The following CA10 variants were observed in gnomAD, a reference collection of about 807,000 sequenced individuals.
CA10 encodes carbonic anhydrase-related protein 10.
Under a neutral mutation model 44.2 loss-of-function variants are expected in CA10, and 14 were observed. That is an observed-to-expected ratio of 0.32 (90% CI 0.21 to 0.50). The LOEUF (loss-of-function observed/expected upper bound fraction) is 0.50. Among genes scored for constraint, CA10 ranks in the 20% least tolerant of loss-of-function variants. The pLI is 0.99. For synonymous variants in CA10, 159 were observed against 141.6 expected (o/e 1.12, Z -0.87); for missense variants, 350 against 409.7 (o/e 0.85, Z 1.26).
intron 2 of CA10, among the ~76,000 whole-genome samples, chr17:52,059,852 G>T (rs1987334031): frequency 6.6e-6 from 1 of 152,042 alleles, no homozygotes; most frequent in South Asian, 2.1e-4. Flanking sequence ...AAACACAAAG[G>T]TTTACATACA....
chr17:51,720,778 G>A (rs1916326576), intron 4 of CA10, among the ~76,000 whole-genome samples: 1 of 152,056 alleles, frequency 6.6e-6, no homozygotes, highest in South Asian at 2.1e-4. Context: ...GAAGGAGAAA[G>A]GGTAGAAAAT....
At chr17:51,810,533 T>C (rs533734018) in intron 3 of CA10, among the ~76,000 whole-genome samples, 18 of 152,078 alleles carry the variant, frequency 1.2e-4, no homozygotes, top group South Asian at 6.2e-4. Context: ...CAGACAATGG[T>C]GGTGAAACGT....
At chr17:51,726,722 A>G (rs1047111230) in intron 4 of CA10, among the ~76,000 whole-genome samples, 2 of 152,214 alleles carry the variant, frequency 1.3e-5, no homozygotes, top group African/African-American at 2.4e-5. Flanking sequence ...AGCACAGAGC[A>G]TATTCTATAT....
intron 2 of CA10, among the ~76,000 whole-genome samples, chr17:51,993,740 T>C (rs776647620): frequency 9.2e-5 from 14 of 152,122 alleles, no homozygotes; most frequent in Non-Finnish European, 1.8e-4. Context: ...TCTTCTCATG[T>C]AATCTGGAGT....
At chr17:52,054,571 C>A (rs762130836) in intron 2 of CA10, among the ~76,000 whole-genome samples, 1 of 152,026 alleles carries the variant, frequency 6.6e-6, no homozygotes, top group African/African-American at 2.4e-5. Context: ...ACTCCCTCCC[C>A]TTTTGAAAAT....
chr17:52,077,389 C>T (rs965424767), intron 1 of CA10, among the ~76,000 whole-genome samples: 3 of 152,102 alleles, frequency 2.0e-5, no homozygotes, highest in Non-Finnish European at 4.4e-5. Flanking sequence ...TAAAGGGCGA[C>T]ATAATACATG....
intron 3 of CA10, among the ~76,000 whole-genome samples, chr17:51,807,479 T>C (rs1283244985): frequency 6.6e-6 from 1 of 152,220 alleles, no homozygotes. Flanking sequence ...ACTTAGGTCC[T>C]CTAGCTCTTA....
chr17:52,138,743 A>C (rs1248079819), intron 1 of CA10, among the ~76,000 whole-genome samples: 1 of 152,190 alleles, frequency 6.6e-6, no homozygotes, highest in African/African-American at 2.4e-5. Flanking sequence ...CTTTTTTTAG[A>C]GCAATGCCAT....
At chr17:52,089,479 T>C (rs1280597225) in intron 1 of CA10, among the ~76,000 whole-genome samples, 2 of 152,202 alleles carry the variant, frequency 1.3e-5, no homozygotes, top group East Asian at 1.9e-4. Flanking sequence ...TATTGACTCA[T>C]TAAATTCACA....
At chr17:51,823,956 C>A (rs907692959) in intron 3 of CA10, among the ~76,000 whole-genome samples, 8 of 152,196 alleles carry the variant, frequency 5.3e-5, no homozygotes, top group Non-Finnish European at 4.4e-5. Context: ...CCATCACTGT[C>A]ACTCCACCCT....
chr17:51,798,556 A>G (rs1302439927), intron 3 of CA10, among the ~76,000 whole-genome samples: 1 of 152,254 alleles, frequency 6.6e-6, no homozygotes, highest in Admixed American at 6.5e-5. Context: ...CCTTTTTGGC[A>G]CATCTAACTG....
rs143182842 is a variant in CA10 at position 51,791,832 on chromosome 17, T to C, written c.280-44014A>G. Among the ~76,000 whole-genome samples, 120 of 152,342 alleles carry C rather than the reference T, an allele frequency of 7.9e-4. 3 individuals are homozygous for C. In the East Asian group the frequency reaches 0.02, roughly 26 times the overall value. On this transcript the variant is annotated intron_variant, in intron 3 of 8. Transcript: ENST00000451037. ...AGCTTTTGAAGACCCTGTAAATCTT[T>C]TCAAATTTTTGGGATTAATCCACTT... is the stretch of plus-strand genomic sequence containing the variant.
chr17:52,074,766 A>G (rs1227216130), intron 1 of CA10, among the ~76,000 whole-genome samples: 3 of 152,184 alleles, frequency 2.0e-5, no homozygotes, highest in Non-Finnish European at 2.9e-5. Flanking sequence ...ATGCTTGAGT[A>G]TGATACACTA....
At chr17:51,635,562 A>G (rs1306223325) in intron 7 of CA10, among the ~76,000 whole-genome samples, 1 of 152,100 alleles carries the variant, frequency 6.6e-6, no homozygotes, top group African/African-American at 2.4e-5. Flanking sequence ...TGGTGCTTTT[A>G]AATGCCAAAG....
chr17:52,154,685 C>A (rs980733022), intron 1 of CA10, among the ~76,000 whole-genome samples: 2 of 152,168 alleles, frequency 1.3e-5, no homozygotes, highest in Non-Finnish European at 2.9e-5. Flanking sequence ...AAAGTGAGAT[C>A]TGAGTTTAAC....
chr17:51,873,684 G>A (rs1321965633), intron 3 of CA10, among the ~76,000 whole-genome samples: 1 of 152,216 alleles, frequency 6.6e-6, no homozygotes, highest in Non-Finnish European at 1.5e-5. Flanking sequence ...GGTGTGCTGA[G>A]AGGCAATTGT....
chr17:51,650,475 C>T (rs746391234), intron 5 of CA10, among the ~76,000 whole-genome samples: 12 of 152,040 alleles, frequency 7.9e-5, no homozygotes, highest in East Asian at 1.9e-4. Flanking sequence ...TCCCTTTTTG[C>T]GGTTTCCTGG....
At chr17:51,887,225 G>A (rs948073139) in intron 3 of CA10, among the ~76,000 whole-genome samples, 1 of 151,598 alleles carries the variant, frequency 6.6e-6, no homozygotes, top group Non-Finnish European at 1.5e-5. Context: ...GTATAGATTT[G>A]TCTTCAAGTT....
chr17:51,891,694 G>T (rs1032437599), intron 3 of CA10, among the ~76,000 whole-genome samples: 1 of 152,370 alleles, frequency 6.6e-6, no homozygotes, highest in Middle Eastern at 3.4e-3. Flanking sequence ...GCAGGCAGGT[G>T]AGGGTTGGTA....
Sources: allele counts gnomAD v4.1 joint callset (sites outside exome capture counted in the v4.1 genomes callset), GRCh38; gene constraint gnomAD v4.1.1; transcripts MANE v1.5; gene names NCBI Gene and HGNC (gene_info 2026-07-23, HGNC 2026-07-21).